Variants in DLG2 observed in about 807,000 individuals in gnomAD.
DLG2 encodes discs large MAGUK scaffold protein 2, also known as disks large homolog 2.
Under a neutral mutation model 132.5 loss-of-function variants are expected in DLG2, and 45 were observed. The ratio of observed to expected loss-of-function variants is 0.34; its 90% CI spans 0.27 to 0.44. The LOEUF (loss-of-function observed/expected upper bound fraction) is 0.44, where lower values mean the gene tolerates loss of function less well. Among genes scored for constraint, DLG2 ranks in the 20% least tolerant of loss-of-function variants. The probability of loss-of-function intolerance (pLI) is 1.00; values close to 1 mark genes in which losing one functional copy is unlikely to be tolerated. For missense variants in DLG2, 1,045 were observed against 1,196.9 expected (o/e 0.87, Z 1.87); for synonymous variants, 424 against 419.6 (o/e 1.01, Z -0.13).
chr11:85,176,092 T>C (rs1182836680), intron 4 of DLG2, among the ~76,000 whole-genome samples: 1 of 152,180 alleles, frequency 6.6e-6, no homozygotes, highest in Non-Finnish European at 1.5e-5. Context: ...TTGACATTCT[T>C]CACAGAATTA....
chr11:84,725,825 C>A (rs1319218458), intron 6 of DLG2, among the ~76,000 whole-genome samples: 1 of 151,308 alleles, frequency 6.6e-6, no homozygotes, highest in Non-Finnish European at 1.5e-5. Flanking sequence ...ATTATAAAGG[C>A]TTTGTGTCAC....
At chr11:85,516,136 A>G (rs544084529) in intron 3 of DLG2, among the ~76,000 whole-genome samples, 1 of 152,042 alleles carries the variant, frequency 6.6e-6, no homozygotes, top group Non-Finnish European at 1.5e-5. Flanking sequence ...CTAGAAATCA[A>G]TTCTAAGAAG....
chr11:84,234,397 T>C (rs2097132866), intron 8 of DLG2, among the ~76,000 whole-genome samples: 1 of 152,210 alleles, frequency 6.6e-6, no homozygotes, highest in African/African-American at 2.4e-5. Context: ...AAGGCAAGAA[T>C]TGAGGTTGCT....
At chr11:84,794,649 C>T (rs2074317715) in intron 6 of DLG2, among the ~76,000 whole-genome samples, 1 of 152,224 alleles carries the variant, frequency 6.6e-6, no homozygotes, top group Admixed American at 6.5e-5. Context: ...TCTGCCCTTG[C>T]AGGCTCCGAA....
chr11:84,201,485 C>T (rs1176802726), intron 8 of DLG2, among the ~76,000 whole-genome samples: 3 of 151,992 alleles, frequency 2.0e-5, no homozygotes, highest in Admixed American at 6.6e-5. Flanking sequence ...AGGAGTCCCT[C>T]CTTTTCAGTT....
chr11:83,713,898 T>A (rs989377502), intron 18 of DLG2, among the ~76,000 whole-genome samples: 1 of 152,142 alleles, frequency 6.6e-6, no homozygotes, highest in Non-Finnish European at 1.5e-5. Context: ...GAAAAGAGCA[T>A]TGGCTAGGAA....
intron 11 of DLG2, among the ~76,000 whole-genome samples, chr11:84,009,317 A>C (rs1299387791): frequency 6.6e-6 from 1 of 151,982 alleles, no homozygotes; most frequent in Non-Finnish European, 1.5e-5. Flanking sequence ...CGATCGCACA[A>C]AACCTATCCC....
intron 11 of DLG2, among the ~76,000 whole-genome samples, chr11:84,011,170 A>G (rs1167990758): frequency 6.6e-6 from 1 of 152,148 alleles, no homozygotes; most frequent in Non-Finnish European, 1.5e-5. Flanking sequence ...ACAATAAGCC[A>G]ATTAAATAAA....
intron 7 of DLG2, among the ~76,000 whole-genome samples, chr11:84,331,448 A>AT (rs1417662142): frequency 8.0e-5 from 11 of 137,056 alleles, no homozygotes; most frequent in South Asian, 2.4e-4. Flanking sequence ...TCTCAAAAAA[A>AT]AAAAAAAAAA....
At chr11:83,509,406 C>T (rs1324949427) in intron 21 of DLG2, among the ~76,000 whole-genome samples, 1 of 152,184 alleles carries the variant, frequency 6.6e-6, no homozygotes, top group African/African-American at 2.4e-5. Flanking sequence ...CTAACTGGAA[C>T]CCAAATCTCT....
At chr11:84,042,945 G>A (rs956099928) in intron 11 of DLG2, among the ~76,000 whole-genome samples, 1 of 151,656 alleles carries the variant, frequency 6.6e-6, no homozygotes, top group Non-Finnish European at 1.5e-5. Context: ...GCTTTTAAAA[G>A]TGTATTCTTA....
intron 7 of DLG2, among the ~76,000 whole-genome samples, chr11:84,287,791 T>G (rs542994162): frequency 6.9e-6 from 1 of 145,222 alleles, no homozygotes; most frequent in East Asian, 2.0e-4. Flanking sequence ...AATACTTTAT[T>G]CGTCTATTTC....
At chr11:84,625,107 G>A (rs375715160) in intron 6 of DLG2, among the ~76,000 whole-genome samples, 10 of 151,596 alleles carry the variant, frequency 6.6e-5, no homozygotes, top group East Asian at 2.0e-4. Context: ...TGATCCGCCC[G>A]CCTCGGCCTC....
intron 6 of DLG2, chr11:85,020,845 A>G: frequency 1.3e-6 from 1 of 750,652 alleles, no homozygotes; most frequent in Admixed American, 1.7e-5. Context: ...GCCATCCCCC[A>G]ATCTTCATTG....
At chr11:84,712,939 C>G (rs1296608279) in intron 6 of DLG2, among the ~76,000 whole-genome samples, 1 of 152,002 alleles carries the variant, frequency 6.6e-6, no homozygotes, top group African/African-American at 2.4e-5. Context: ...TGCTGTGTGA[C>G]CTTGAGTAAG....
chr11:85,028,414 G>A (rs557053932), intron 6 of DLG2, among the ~76,000 whole-genome samples: 1 of 152,230 alleles, frequency 6.6e-6, no homozygotes, highest in Non-Finnish European at 1.5e-5. Flanking sequence ...TGAAGGTGAG[G>A]CTTCACCGGG....
chr11:85,165,575 C>T (rs1376730046), intron 4 of DLG2, among the ~76,000 whole-genome samples: 1 of 152,200 alleles, frequency 6.6e-6, no homozygotes, highest in Non-Finnish European at 1.5e-5. Flanking sequence ...CTTAGTTCTG[C>T]TTCTTTCAGC....
chr11:85,594,636 C>T (rs2079600833), intron 3 of DLG2, among the ~76,000 whole-genome samples: 1 of 151,890 alleles, frequency 6.6e-6, no homozygotes, highest in Non-Finnish European at 1.5e-5. Flanking sequence ...CAATAAGTTA[C>T]AAAAAACATT....
chr11:84,584,714 A>G (rs2099525168), intron 6 of DLG2, among the ~76,000 whole-genome samples: 1 of 92,808 alleles, frequency 1.1e-5, no homozygotes. Flanking sequence ...TTTGAGACGG[A>G]GTCTCGCTCT....
Sources: allele counts gnomAD v4.1 joint callset (sites outside exome capture counted in the v4.1 genomes callset), GRCh38; gene constraint gnomAD v4.1.1; transcripts MANE v1.5; gene names NCBI Gene and HGNC (gene_info 2026-07-23, HGNC 2026-07-21).